The following FHOD3 variants were observed in gnomAD, a reference collection of about 807,000 sequenced individuals.
FHOD3 encodes the protein formin homology 2 domain containing 3.
A neutral mutation model predicts 173.0 loss-of-function variants in FHOD3; 90 were observed. The ratio of observed to expected loss-of-function variants is 0.52; its 90% confidence interval spans 0.44 to 0.62. FHOD3 has a LOEUF of 0.62. Among genes scored for constraint, FHOD3 ranks in the 20% least tolerant of loss-of-function variants. FHOD3 has a pLI of 0.00. For synonymous variants in FHOD3, 828 were observed against 823.0 expected (o/e 1.01, Z -0.10); for missense variants, 1,945 against 2,034.7 (o/e 0.96, Z 0.85).
At chr18:36,441,840 C>G (rs2051173464) in intron 3 of FHOD3, among the ~76,000 whole-genome samples, 1 of 152,118 alleles carries the variant, frequency 6.6e-6, no homozygotes, top group African/African-American at 2.4e-5. Context: ...GTTGGTAGTG[C>G]TAGAAGGAAC....
At chr18:36,431,863 T>A (rs1221174142) in intron 3 of FHOD3, among the ~76,000 whole-genome samples, 2 of 152,126 alleles carry the variant, frequency 1.3e-5, no homozygotes, top group African/African-American at 4.8e-5. Context: ...GATGAGAAAA[T>A]ACAGTTGTTC....
At chr18:36,709,014 C>A in intron 17 of FHOD3, 81 bp from the exon 18 acceptor site, 1 of 1,514,180 alleles carries the variant, frequency 6.6e-7, no homozygotes, top group South Asian at 1.3e-5. Flanking sequence ...ACAGAGAAAT[C>A]AACCTCACAT....
At chr18:36,312,451 C>T (rs934521459) in intron 1 of FHOD3, among the ~76,000 whole-genome samples, 2 of 152,142 alleles carry the variant, frequency 1.3e-5, no homozygotes, top group South Asian at 2.1e-4. Context: ...TTGAACAGCT[C>T]GTCCTGGACG....
intron 3 of FHOD3, among the ~76,000 whole-genome samples, chr18:36,394,294 T>C (rs547109014): frequency 6.6e-6 from 1 of 152,290 alleles, no homozygotes; most frequent in South Asian, 2.1e-4. Flanking sequence ...GTGTAGACAG[T>C]CTTCACAAGC....
At chr18:36,388,441 G>A (rs368947544) in intron 3 of FHOD3, among the ~76,000 whole-genome samples, 46 of 152,318 alleles carry the variant, frequency 3.0e-4, no homozygotes, top group African/African-American at 7.9e-4. Flanking sequence ...CATAGCTAGC[G>A]CCAGTTGTGT....
intron 3 of FHOD3, among the ~76,000 whole-genome samples, chr18:36,423,299 T>A (rs547994860): frequency 2.6e-5 from 4 of 152,300 alleles, no homozygotes; most frequent in African/African-American, 9.6e-5. Flanking sequence ...GGAGATCAGA[T>A]TGGGTTTGAC....
At chr18:36,405,777 G>A (rs1299593057) in intron 3 of FHOD3, among the ~76,000 whole-genome samples, 1 of 152,220 alleles carries the variant, frequency 6.6e-6, no homozygotes, top group Non-Finnish European at 1.5e-5. Context: ...TTGTCCACAT[G>A]GAGGAATAAG....
At chr18:36,713,308 T>G (rs1431524196) in intron 18 of FHOD3, among the ~76,000 whole-genome samples, 3 of 152,210 alleles carry the variant, frequency 2.0e-5, no homozygotes, top group Non-Finnish European at 4.4e-5. Context: ...GAGGAATACT[T>G]AGGACAACTA....
chr18:36,700,562 T>A (rs2039525004), intron 17 of FHOD3, among the ~76,000 whole-genome samples: 1 of 152,206 alleles, frequency 6.6e-6, no homozygotes, highest in Non-Finnish European at 1.5e-5. Flanking sequence ...TTCTTTTCTC[T>A]TCATTGCCAT....
intron 10 of FHOD3, among the ~76,000 whole-genome samples, chr18:36,644,359 A>C (rs764661657): frequency 1.3e-5 from 2 of 152,266 alleles, no homozygotes; most frequent in Non-Finnish European, 2.9e-5. Flanking sequence ...ATTAGCATAA[A>C]AATCATTTCA....
chr18:36,416,312 C>T (rs12607089), intron 3 of FHOD3, among the ~76,000 whole-genome samples: 30,271 of 152,152 alleles, frequency 0.2, 3,280 homozygotes, highest in Middle Eastern at 0.34. Flanking sequence ...GGATTACAGG[C>T]GTGAGCCACC....
At chr18:36,480,538 G>T (rs1045800755) in intron 3 of FHOD3, among the ~76,000 whole-genome samples, 5 of 152,164 alleles carry the variant, frequency 3.3e-5, no homozygotes, top group African/African-American at 1.2e-4. Context: ...AAATATTTTA[G>T]TTATTCAAAG....
At chr18:36,429,725 A>G (rs575899265) in intron 3 of FHOD3, among the ~76,000 whole-genome samples, 11 of 152,322 alleles carry the variant, frequency 7.2e-5, no homozygotes, top group South Asian at 2.1e-4. Flanking sequence ...CTCCGCACCC[A>G]TGAAGCTGTG....
chr18:36,704,373 G>A (rs1157484882), intron 17 of FHOD3, among the ~76,000 whole-genome samples: 1 of 152,232 alleles, frequency 6.6e-6, no homozygotes, highest in Non-Finnish European at 1.5e-5. Flanking sequence ...TCCTTGCCAT[G>A]TCTTCCTTTT....
intron 15 of FHOD3, among the ~76,000 whole-genome samples, chr18:36,686,889 G>C (rs1212486349): frequency 2.0e-5 from 3 of 152,126 alleles, no homozygotes; most frequent in African/African-American, 7.2e-5. Flanking sequence ...TAGTGTTTCT[G>C]GGTGAATCCA....
chr18:36,569,156 T>G (rs920422967), intron 5 of FHOD3, among the ~76,000 whole-genome samples: 3 of 152,212 alleles, frequency 2.0e-5, no homozygotes, highest in African/African-American at 7.2e-5. Context: ...TACATATGAC[T>G]GGTCTAATCA....
chr18:36,554,763 G>A (rs901739107), intron 5 of FHOD3, among the ~76,000 whole-genome samples: 6 of 152,148 alleles, frequency 3.9e-5, no homozygotes, highest in African/African-American at 1.4e-4. Context: ...TTTAATAGAT[G>A]TTGGACAATT....
rs571137537 is a variant in FHOD3, at chr18:36,579,157, C to A, written c.606+2612C>A. Among the ~76,000 whole-genome samples the A allele has an allele frequency of 6.6e-4, 100 of 152,176 alleles. 3 individuals carry two copies. The highest frequency in any genetic ancestry group is 3.1e-3 in the South Asian group (15 of 4,816). On this transcript the variant is annotated intron_variant, in intron 6 of 28. Coordinates refer to ENST00000590592, the MANE Select transcript of FHOD3 (RefSeq NM_001281740.3). ...GGGAAGCCTCCCTAACTTTCATGTT[C>A]ATTTGGAACCTGCTCCCTCCCCAAG...
chr18:36,514,160 C>T (rs1190149667), intron 5 of FHOD3, among the ~76,000 whole-genome samples: 4 of 151,850 alleles, frequency 2.6e-5, no homozygotes, highest in African/African-American at 9.7e-5. Context: ...AGGCACCCGC[C>T]ACCATGCCCA....
Sources: gnomAD v4.1 joint callset for allele counts (sites outside exome capture counted in the v4.1 genomes callset) on GRCh38, gnomAD v4.1.1 for gene constraint, MANE v1.5 for transcripts, NCBI Gene and HGNC (gene_info 2026-07-23, HGNC 2026-07-21) for gene names.